The following LRP1 variants were observed in gnomAD, a reference collection of about 807,000 sequenced individuals.
LRP1 encodes the protein LDL receptor related protein 1.
In LRP1, 51 loss-of-function variants were observed where a neutral mutation model predicts 541.5. The ratio of observed to expected loss-of-function variants is 0.09; its 90% CI spans 0.08 to 0.12. The LOEUF (loss-of-function observed/expected upper bound fraction) is 0.12. LRP1 is among the 10% of genes least tolerant of loss of function. The probability of loss-of-function intolerance (pLI) is 1.00; values close to 1 mark genes in which losing one functional copy is unlikely to be tolerated. For missense variants in LRP1, 3,878 were observed against 6,376.2 expected (o/e 0.61, Z 13.34); for synonymous variants, 2,219 against 2,470.8 (o/e 0.90, Z 3.02).
chr12:57,194,229 T>G, intron 48 of LRP1, 125 bp from the exon 49 acceptor site: 1 of 1,160,338 alleles, frequency 8.6e-7, no homozygotes, highest in Non-Finnish European at 1.2e-6. Flanking sequence ...GTGCAGACAG[T>G]GCCCCACCAG....
At chr12:57,193,378 A>G in intron 46 of LRP1, 74 bp downstream of exon 46, 3 of 1,577,186 alleles carry the variant, frequency 1.9e-6, no homozygotes, top group Non-Finnish European at 2.6e-6. Context: ...CCCCTGCAGG[A>G]TGGAGCAGGA....
rs1428109294 is a variant in LRP1, at chr12:57,183,531, G to A, written c.5794+21G>A. ...CGCTGGTGAGCCATTTGGTGGCAGA[G>A]GGAGTTGGGCGTGGCGTAGGAGCTT... On this transcript the variant is annotated intron_variant, in intron 35 of 88. Coordinates refer to ENST00000243077, the MANE Select transcript of LRP1 (RefSeq NM_002332.3). This position sits in a 1 kb window ranked among gnomAD's most constrained non-coding sequence, Gnocchi z 6.1. The A allele has an allele frequency of 6.2e-7, 1 of 1,609,790 alleles. No homozygotes were observed. Among genetic ancestry groups the A allele is most frequent in the South Asian group, 1.1e-5 (1 of 90,702 alleles).
chr12:57,129,307 G>A (rs886595417), intron 1 of LRP1, among the ~76,000 whole-genome samples: 5 of 152,112 alleles, frequency 3.3e-5, no homozygotes. Context: ...ATCCTGGGGA[G>A]GAGAGGCCTT....
At chr12:57,138,829 G>C (rs2035228943) in intron 2 of LRP1, among the ~76,000 whole-genome samples, 1 of 152,176 alleles carries the variant, frequency 6.6e-6, no homozygotes, top group Admixed American at 6.5e-5. Context: ...AGTGTTCTCT[G>C]GGCTGACAGC....
In LRP1 at chr12:57,209,692, G is replaced by A; in HGVS notation, c.12263G>A (p.Gly4088Asp). 3 of 1,614,060 alleles carry A rather than the reference G, an allele frequency of 1.9e-6. No individual in the cohort carries two copies. The highest frequency in any genetic ancestry group is 2.2e-5 in the South Asian group (2 of 91,078). The change falls in exon 80 of 89, where the codon GGC becomes GAC. Residue 4088 changes from glycine to aspartate, a missense_variant and splice_region_variant. Around this residue, in one of 13 missense-constraint regions of LRP1, gnomAD observed 871 missense variants for 1,212.4 expected, o/e 0.72. Transcript: ENST00000243077. ...CCTCTGACTCCACCTCCTCCCCCAG[G>A]CCTAAGTCACCCCTTCAGCATCGAC... ...DPIVAADSKR[G>D]LSHPFSIDVF...
In LRP1 at chr12:57,189,884, G is replaced by A. The variant is rs2036342665; in HGVS notation, c.7032-921G>A. ...GCTGAGTGACAAGCTCTGGGACCGA[G>A]GACCCAGGGCTCACCATCCAATGCC... is the stretch of plus-strand genomic sequence containing the variant. On this transcript the variant is annotated intron_variant, in intron 42 of 88. Transcript: ENST00000243077. The surrounding 1 kb of genome is among the most constrained non-coding windows in gnomAD (Gnocchi z 4.4). Among the ~76,000 whole-genome samples the A allele has an allele frequency of 6.6e-6, 1 of 152,092 alleles. No homozygotes were observed. Among genetic ancestry groups the A allele is most frequent in the South Asian group, 2.1e-4 (1 of 4,824 alleles).
At chr12:57,210,250 G>A in intron 81 of LRP1, 57 bp from the exon 82 acceptor site, 22 of 1,547,378 alleles carry the variant, frequency 1.4e-5, no homozygotes, top group Non-Finnish European at 1.9e-5. Context: ...TGACCTTGTT[G>A]CCTGTCCCTC....
chr12:57,191,912 C>CG (rs1565744020), intron 44 of LRP1, among the ~76,000 whole-genome samples: 58 of 49,622 alleles, frequency 1.2e-3, no homozygotes, highest in East Asian at 2.5e-3. Flanking sequence ...ACACACACCA[C>CG]CACACACACT....
In LRP1 at chr12:57,166,226, A is replaced by G; in HGVS notation, c.2797+17A>G. On this transcript the variant is annotated intron_variant, in intron 17 of 88. Coordinates refer to ENST00000243077, the MANE Select transcript of LRP1 (RefSeq NM_002332.3). ...CTTGTTCAGGTGTGGAGCGGGGCTC[A>G]GATCACACGAGGCACCCCTCAGTCA... 1 of 1,583,586 alleles carries G rather than the reference A, an allele frequency of 6.3e-7. No individual in the cohort carries two copies. The highest frequency in any genetic ancestry group is 8.6e-7 in the Non-Finnish European group (1 of 1,164,884).
In LRP1 at chr12:57,210,079, C is replaced by G. The variant is rs1228188869; in HGVS notation, c.12490C>G (p.Pro4164Ala). The stretch of plus-strand genomic sequence containing the variant: ...ATGCGAGTGGCTCTGCCTGCTGAGC[C>G]CCAGTGGGCCTGTCTGCACCTGTCC... ...KKCEWLCLLS[P>A]SGPVCTCPNG... Residue 4164 changes from proline (P) to alanine (A), a missense_variant, in exon 81 of 89, where the codon CCC (proline) becomes GCC (alanine). Pro to Ala is a conservative substitution (Grantham distance 27). Around this residue, in one of 13 missense-constraint regions of LRP1, gnomAD observed 871 missense variants for 1,212.4 expected, o/e 0.72. Transcript: ENST00000243077. 9 of 1,613,446 alleles carry G rather than the reference C, an allele frequency of 5.6e-6. No individual in the cohort carries two copies. Among genetic ancestry groups the G allele is most frequent in the South Asian group, 2.2e-5 (2 of 91,024 alleles).
intron 6 of LRP1, among the ~76,000 whole-genome samples, chr12:57,153,796 T>C (rs1428303460): frequency 1.3e-5 from 2 of 152,202 alleles, no homozygotes; most frequent in African/African-American, 4.8e-5. Flanking sequence ...TCAGTGCTTC[T>C]GGTTAGCATG....
intron 22 of LRP1, among the ~76,000 whole-genome samples, 190 bp downstream of exon 22, chr12:57,174,170 C>T (rs570370784): frequency 1.3e-5 from 2 of 152,314 alleles, no homozygotes; most frequent in East Asian, 1.9e-4. Context: ...GAGTGAGCCA[C>T]GCCATTAGAG....
intron 20 of LRP1, among the ~76,000 whole-genome samples, chr12:57,172,218 T>C (rs951180375): frequency 1.3e-5 from 2 of 151,768 alleles, no homozygotes; most frequent in African/African-American, 2.4e-5. Context: ...TCGCCCAGGC[T>C]GGAGTGCAGT....
intron 20 of LRP1, 31 bp downstream of exon 20, chr12:57,169,338 G>A: frequency 6.3e-7 from 1 of 1,576,158 alleles, no homozygotes; most frequent in Non-Finnish European, 8.7e-7. Flanking sequence ...GGGTGGGGAT[G>A]AGATCGAGCC....
Position 57,158,487 on chromosome 12 carries a change from T to G in LRP1, c.1647T>G (p.Asp549Glu). 1.2e-6 allele frequency: 2 copies of G among 1,614,164 alleles called. No homozygotes were observed. Among genetic ancestry groups the G allele is most frequent in the East Asian group, 4.5e-5 (2 of 44,882 alleles). The change falls in exon 11 of 89, where the codon GAT (aspartate) becomes GAG (glutamate). Residue 549 changes from aspartate (D) to glutamate (E), a missense_variant. By Grantham distance (45) the Asp-to-Glu change is conservative. Coordinates refer to ENST00000243077, the MANE Select transcript of LRP1 (RefSeq NM_002332.3). This position sits in a 1 kb window ranked among gnomAD's most constrained non-coding sequence, Gnocchi z 5.3. Reference sequence around the variant, plus strand: ...TGGATATGGGGGCCAAGGTCCCGGATGAGCACATGATCCCCATTGAAAACC... The same window carrying G: ...TGGATATGGGGGCCAAGGTCCCGGAGGAGCACATGATCCCCATTGAAAACC... ...RGMDMGAKVP[D>E]EHMIPIENLM...
At chr12:57,208,255 G>A (rs773841307) in intron 77 of LRP1, 39 bp downstream of exon 77, 32 of 1,594,080 alleles carry the variant, frequency 2.0e-5, no homozygotes, top group Admixed American at 3.4e-5. Context: ...TGGGCTGGTG[G>A]TAGGAAGCCC....
chr12:57,186,851 T>A (rs548411455), intron 41 of LRP1, among the ~76,000 whole-genome samples: 1 of 152,374 alleles, frequency 6.6e-6, no homozygotes, highest in South Asian at 2.1e-4. Context: ...CTTGGTTCTT[T>A]AACCTGAGTT....
At position 57,162,218 on chromosome 12, in the gene LRP1, C is replaced by T; in HGVS notation, c.2203-99C>T. On this transcript the variant is annotated intron_variant, in intron 13 of 88. Transcript: ENST00000243077. The surrounding 1 kb of genome is among the most constrained non-coding windows in gnomAD (Gnocchi z 5.2). ...CTAATGGGGGAAACAAAGCAAAACC[C>T]ATGCCCAGGACATAGACAAATGAAT... is the stretch of plus-strand genomic sequence containing the variant. 2.8e-6 allele frequency: 3 copies of T among 1,080,686 alleles called. No individual in the cohort carries two copies. The allele number at this position is 1,080,686 out of a possible 1,614,324, so 66.9% of individuals were successfully genotyped here.
chr12:57,137,926 T>C (rs1045464592), intron 1 of LRP1, among the ~76,000 whole-genome samples: 10 of 152,072 alleles, frequency 6.6e-5, no homozygotes, highest in African/African-American at 2.4e-4. Flanking sequence ...AGGGCATCCC[T>C]CCCCACTGCT....
Sources: allele counts gnomAD v4.1 joint callset (sites outside exome capture counted in the v4.1 genomes callset), GRCh38; gene constraint gnomAD v4.1.1; regional missense constraint gnomAD v4.1.1; non-coding constraint Gnocchi (gnomAD v3.1); transcripts MANE v1.5; gene names NCBI Gene and HGNC (gene_info 2026-07-23, HGNC 2026-07-21).